DCDC2: variants seen among roughly 807,000 people sequenced by gnomAD.
DCDC2 encodes doublecortin domain-containing protein 2.
DCDC2 carries 40 observed loss-of-function variants against 50.2 expected under a neutral mutation model. The observed-to-expected ratio is 0.80, with a 90% CI of 0.62 to 1.04. DCDC2 has a LOEUF of 1.04. Ranked by LOEUF, DCDC2 falls within the 50% of genes least tolerant of loss-of-function variation. DCDC2 has a pLI of 0.00. For synonymous variants in DCDC2, 234 were observed against 210.6 expected (o/e 1.11, Z -0.96); for missense variants, 570 against 581.9 (o/e 0.98, Z 0.21).
chr6:24,371,480 T>G, the DCDC2 span, among the ~76,000 whole-genome samples: 1 of 151,936 alleles, frequency 6.6e-6, no homozygotes, highest in Non-Finnish European at 1.5e-5. Flanking sequence ...TGGTGGCACA[T>G]GCCTGTAGCC....
At chr6:24,178,065 A>G (rs1446461227) in intron 9 of DCDC2, among the ~76,000 whole-genome samples, 1 of 152,222 alleles carries the variant, frequency 6.6e-6, no homozygotes, top group Non-Finnish European at 1.5e-5. Flanking sequence ...TTGTAAAATT[A>G]GGCAGGAGGT....
intron 7 of DCDC2, chr6:24,205,343 C>G: frequency 6.7e-7 from 1 of 1,503,060 alleles, no homozygotes; most frequent in South Asian, 1.3e-5. Flanking sequence ...TCTGTCGAAG[C>G]TCCTGTTCAC....
chr6:24,190,814 C>T (rs1761297938), intron 8 of DCDC2, among the ~76,000 whole-genome samples: 1 of 152,190 alleles, frequency 6.6e-6, no homozygotes, highest in African/African-American at 2.4e-5. Context: ...GAGTATATGA[C>T]TTGAAAATAA....
chr6:24,268,378 T>G (rs959979495), intron 7 of DCDC2, among the ~76,000 whole-genome samples: 16 of 151,966 alleles, frequency 1.1e-4, no homozygotes, highest in African/African-American at 3.6e-4. Flanking sequence ...TCCCAGCTAC[T>G]CAGGAAGCTA....
At chr6:24,178,666 A>G in intron 8 of DCDC2, 34 bp from the exon 9 acceptor site, 1 of 1,582,286 alleles carries the variant, frequency 6.3e-7, no homozygotes, top group Non-Finnish European at 8.6e-7. Flanking sequence ...GATAAAAGTA[A>G]GAAGCATAAC....
chr6:24,276,190 G>A (rs1027939779), intron 7 of DCDC2, among the ~76,000 whole-genome samples: 4 of 151,990 alleles, frequency 2.6e-5, no homozygotes, highest in South Asian at 2.1e-4. Flanking sequence ...TTTTAATGAA[G>A]GTTACTTTCC....
intron 7 of DCDC2, among the ~76,000 whole-genome samples, chr6:24,248,482 T>C (rs527860689): frequency 1.3e-5 from 2 of 152,314 alleles, no homozygotes; most frequent in South Asian, 4.1e-4. Flanking sequence ...ACACAGGATG[T>C]CCTTAATCAG....
At chr6:24,328,744 C>T (rs934246086) in intron 2 of DCDC2, among the ~76,000 whole-genome samples, 47 of 152,286 alleles carry the variant, frequency 3.1e-4, no homozygotes, top group African/African-American at 1.1e-3. Flanking sequence ...ATATTAATTG[C>T]ATGCCCCTTG....
At position 24,358,038 on chromosome 6, in the gene DCDC2, A is replaced by G; in HGVS notation, c.-288T>C. 8.6e-7 allele frequency: 1 copy of G among 1,157,776 alleles called. No individual in the cohort carries two copies. Among genetic ancestry groups the G allele is most frequent in the Non-Finnish European group, 1.2e-6 (1 of 839,634 alleles). 71.7% of individuals were successfully genotyped at this position (1,157,776 alleles called of 1,614,324 possible). A position where few individuals can be genotyped will look rare whatever the true frequency, so the allele number is the denominator to read the frequency against. ...CACACCAGGTTCACCTGCTACGGGC[A>G]GAATCAAGGTGGACAGCTTCTGAGC... On this transcript the variant is annotated 5_prime_UTR_variant, in exon 1 of 10. Coordinates refer to ENST00000378454, the MANE Select transcript of DCDC2 (RefSeq NM_016356.5).
intron 8 of DCDC2, among the ~76,000 whole-genome samples, chr6:24,186,335 C>T (rs147360442): frequency 6.6e-6 from 1 of 152,258 alleles, no homozygotes; most frequent in African/African-American, 2.4e-5. Flanking sequence ...TTTTATCTTC[C>T]CAACCTGTGG....
intron 6 of DCDC2, among the ~76,000 whole-genome samples, chr6:24,288,433 T>C (rs1456651933): frequency 1.3e-5 from 2 of 152,218 alleles, no homozygotes; most frequent in Non-Finnish European, 2.9e-5. Context: ...GCAAACTAAA[T>C]ACCTAGAACA....
intron 2 of DCDC2, among the ~76,000 whole-genome samples, chr6:24,338,116 T>C (rs376409890): frequency 1.7e-4 from 26 of 152,322 alleles, no homozygotes; most frequent in African/African-American, 5.1e-4. Context: ...TTTCCTCCCA[T>C]GTAAAATCAG....
At chr6:24,300,621 T>C (rs962679766) in intron 4 of DCDC2, among the ~76,000 whole-genome samples, 3 of 152,326 alleles carry the variant, frequency 2.0e-5, no homozygotes, top group African/African-American at 7.2e-5. Flanking sequence ...TGTGTAAATA[T>C]ACAAACATTA....
chr6:24,172,989 A>AAAAAATAAT lies in DCDC2; in HGVS notation c.*1740_*1741insATTATTTTT, dbSNP rs1554142065. ...GACAAGAGCAAGACTTCATCTCAAAAAATAATAATAATAATAATAATAATA... is the reference window on the plus strand; with the variant it reads ...GACAAGAGCAAGACTTCATCTCAAAAAAAAATAATAATAATAATAATAATAATAATAATA... On this transcript the variant is annotated 3_prime_UTR_variant, in exon 10 of 10. Coordinates refer to ENST00000378454, the MANE Select transcript of DCDC2 (RefSeq NM_016356.5). 2 of 145,952 alleles carry AAAAAATAAT rather than the reference A, an allele frequency of 1.4e-5. No homozygotes were observed. Among genetic ancestry groups the AAAAAATAAT allele is most frequent in the African/African-American group, 5.0e-5 (2 of 39,924 alleles). 9.0% of individuals were successfully genotyped at this position (145,952 alleles called of 1,614,324 possible).
intron 1 of DCDC2, chr6:24,357,040 A>G (rs530389006): frequency 1.2e-5 from 2 of 160,754 alleles, no homozygotes; most frequent in African/African-American, 4.8e-5. Flanking sequence ...CTCTGGTGAC[A>G]ATATAGTGTC....
chr6:24,315,677 G>C (rs752055845), intron 2 of DCDC2, among the ~76,000 whole-genome samples: 11 of 152,178 alleles, frequency 7.2e-5, no homozygotes, highest in Non-Finnish European at 1.5e-4. Context: ...CAGAAAGGAG[G>C]CTGGAGTAGC....
At chr6:24,354,419 C>T (rs1369472375) in intron 1 of DCDC2, among the ~76,000 whole-genome samples, 1 of 152,122 alleles carries the variant, frequency 6.6e-6, no homozygotes, top group African/African-American at 2.4e-5. Flanking sequence ...CCAACTACTA[C>T]AATTGCCAAC....
intron 7 of DCDC2, among the ~76,000 whole-genome samples, chr6:24,217,848 CT>C (rs967598130): frequency 6.6e-6 from 1 of 152,192 alleles, no homozygotes; most frequent in Non-Finnish European, 1.5e-5. Context: ...AATCTTCCAT[CT>C]TAACATAAAA....
intron 7 of DCDC2, among the ~76,000 whole-genome samples, chr6:24,220,879 A>T (rs199990159): frequency 1.9e-5 from 2 of 106,976 alleles, no homozygotes; most frequent in Admixed American, 9.3e-5. Flanking sequence ...CAAGAGAGCG[A>T]GAGCGAGAGA....
Sources: allele counts gnomAD v4.1 joint callset (sites outside exome capture counted in the v4.1 genomes callset), GRCh38; gene constraint gnomAD v4.1.1; transcripts MANE v1.5; gene names NCBI Gene and HGNC (gene_info 2026-07-23, HGNC 2026-07-21).